Variants in KALRN observed in about 807,000 individuals in gnomAD.
The protein encoded by KALRN is kalirin RhoGEF kinase, also known as kalirin.
Under a neutral mutation model 353.7 loss-of-function variants are expected in KALRN, and 70 were observed. The observed-to-expected ratio is 0.20, with a 90% confidence interval of 0.16 to 0.24. The LOEUF (loss-of-function observed/expected upper bound fraction) is 0.24, where lower values mean the gene tolerates loss of function less well. Among genes scored for constraint, KALRN ranks in the 10% least tolerant of loss-of-function variants. The pLI is 1.00. For missense variants in KALRN, 2,791 were observed against 3,756.7 expected (o/e 0.74, Z 6.72); for synonymous variants, 1,391 against 1,434.8 (o/e 0.97, Z 0.69).
rs146726400 is a variant in KALRN at position 124,126,646 on chromosome 3, G to T, written c.73+92833G>T. On this transcript the variant is annotated intron_variant, in intron 1 of 59. Transcript: ENST00000682506. ...AATTTACACAGTCACAAGTTTGGAAGAATTTCTCATGATGTAATCAAGATG... is the reference window on the plus strand; with the variant it reads ...AATTTACACAGTCACAAGTTTGGAATAATTTCTCATGATGTAATCAAGATG... Among the ~76,000 whole-genome samples the T allele has an allele frequency of 3.3e-5, 5 of 152,332 alleles. No individual in the cohort carries two copies. The East Asian group carries it at 9.6e-4, about 29-fold the overall frequency.
intron 1 of KALRN, among the ~76,000 whole-genome samples, chr3:124,111,402 G>A (rs1487586293): frequency 6.6e-6 from 1 of 152,240 alleles, no homozygotes; most frequent in Non-Finnish European, 1.5e-5. Flanking sequence ...GTCACTGGAA[G>A]GGGATGCAAT....
At chr3:124,085,527 C>T (rs2060768014) in intron 1 of KALRN, among the ~76,000 whole-genome samples, 1 of 152,172 alleles carries the variant, frequency 6.6e-6, no homozygotes, top group Admixed American at 6.5e-5. Context: ...CTCCATCTGC[C>T]AGCCACTTGA....
intron 1 of KALRN, among the ~76,000 whole-genome samples, chr3:124,090,810 G>T (rs1308427200): frequency 6.6e-6 from 1 of 152,214 alleles, no homozygotes; most frequent in African/African-American, 2.4e-5. Flanking sequence ...GTGAGGCCTT[G>T]TTATCTGTAT....
chr3:124,353,145 T>A (rs1395955713), intron 10 of KALRN, among the ~76,000 whole-genome samples: 1 of 152,210 alleles, frequency 6.6e-6, no homozygotes, highest in African/African-American at 2.4e-5. Context: ...GCTATCTTGA[T>A]ACTTTGTTGA....
chr3:124,398,958 T>C, intron 13 of KALRN, 87 bp downstream of exon 13: 4 of 1,379,162 alleles, frequency 2.9e-6, no homozygotes, highest in Non-Finnish European at 2.0e-6. Flanking sequence ...GGCAGTAGCC[T>C]AAGGAAATTA....
chr3:124,058,722 C>T (rs2041765543), intron 1 of KALRN, among the ~76,000 whole-genome samples: 1 of 152,130 alleles, frequency 6.6e-6, no homozygotes. Flanking sequence ...AGTAAGCTTC[C>T]CTGTAGTATC....
At chr3:124,466,327 C>T (rs2060342544) in intron 25 of KALRN, among the ~76,000 whole-genome samples, 1 of 152,166 alleles carries the variant, frequency 6.6e-6, no homozygotes, top group African/African-American at 2.4e-5. Flanking sequence ...CTACACAAGA[C>T]TTAGACCTAT....
chr3:124,507,367 A>C (rs1320814538), intron 33 of KALRN, among the ~76,000 whole-genome samples: 1 of 152,228 alleles, frequency 6.6e-6, no homozygotes, highest in Non-Finnish European at 1.5e-5. Context: ...TTTAAATTTA[A>C]GACAATACTG....
At chr3:124,242,346 G>A (rs2080564568) in intron 3 of KALRN, among the ~76,000 whole-genome samples, 1 of 152,168 alleles carries the variant, frequency 6.6e-6, no homozygotes, top group Admixed American at 6.5e-5. Flanking sequence ...TTACATATCA[G>A]GAAACTGAGA....
chr3:124,162,021 G>C (rs2070042996), intron 1 of KALRN, among the ~76,000 whole-genome samples: 3 of 152,176 alleles, frequency 2.0e-5, no homozygotes, highest in Non-Finnish European at 4.4e-5. Flanking sequence ...AAATGAAGCA[G>C]AGAACAATGT....
intron 1 of KALRN, among the ~76,000 whole-genome samples, chr3:124,171,487 G>C (rs1335971705): frequency 6.6e-6 from 1 of 152,196 alleles, no homozygotes; most frequent in Non-Finnish European, 1.5e-5. Flanking sequence ...GAGAACGAGA[G>C]CGGAAGCTGC....
At chr3:124,428,270 G>A (rs1330788493) in intron 15 of KALRN, among the ~76,000 whole-genome samples, 1 of 152,162 alleles carries the variant, frequency 6.6e-6, no homozygotes, top group Admixed American at 6.5e-5. Flanking sequence ...AGCTCATACA[G>A]ATTCTGGAAT....
At chr3:124,268,624 T>G in intron 4 of KALRN, 119 bp from the exon 5 acceptor site, 2 of 1,082,886 alleles carry the variant, frequency 1.8e-6, no homozygotes, top group South Asian at 2.9e-5. Context: ...ACTCACCATT[T>G]CCGAGGCAGG....
intron 10 of KALRN, among the ~76,000 whole-genome samples, chr3:124,351,433 A>C (rs1476033401): frequency 1.3e-5 from 2 of 152,176 alleles, no homozygotes; most frequent in Non-Finnish European, 2.9e-5. Context: ...TGAGGCTGAT[A>C]ATGAGAAAGG....
intron 14 of KALRN, among the ~76,000 whole-genome samples, chr3:124,415,781 G>A (rs888026990): frequency 7.2e-5 from 11 of 152,204 alleles, no homozygotes; most frequent in African/African-American, 2.7e-4. Flanking sequence ...TTGCTACTCA[G>A]TGTGGGCCCT....
Position 124,725,219 on chromosome 3 carries a change from G to A in KALRN, c.*5749G>A, listed in dbSNP as rs975620491. 3 of 152,164 alleles carry A rather than the reference G, an allele frequency of 2.0e-5. No individual in the cohort carries two copies. The highest frequency in any genetic ancestry group is 7.2e-5 in the African/African-American group (3 of 41,434). The allele number at this position is 152,164 out of a possible 1,614,324, so 9.4% of individuals were successfully genotyped here. On this transcript the variant is annotated 3_prime_UTR_variant, in exon 60 of 60. Transcript: ENST00000682506. ...CAAAGACTGTGGCTACGAATCTGAA[G>A]TTAACAAGACATACATCTTCTCTTA...
rs925433993 is a variant in KALRN, at chr3:124,519,406, C to T, written c.4935+22993C>T. ...CAAACACAGAGTTTCATGGAAACCC[C>T]ACACCAAGGCAAGAGGCAGAGATGA... is the stretch of plus-strand genomic sequence containing the variant. On this transcript the variant is annotated intron_variant, in intron 33 of 59. Coordinates refer to ENST00000682506, the MANE Select transcript of KALRN (RefSeq NM_001388419.1). 3.0e-6 allele frequency: 3 copies of T among 985,240 alleles called. No individual in the cohort carries two copies. The Admixed American group carries it at 1.8e-4, about 61-fold the overall frequency. 61.0% of individuals were successfully genotyped at this position (985,240 alleles called of 1,614,324 possible). A position where few individuals can be genotyped will look rare whatever the true frequency, so the allele number is the denominator to read the frequency against.
chr3:124,708,927 C>T (rs969800949), intron 57 of KALRN, among the ~76,000 whole-genome samples: 1 of 151,930 alleles, frequency 6.6e-6, no homozygotes, highest in Non-Finnish European at 1.5e-5. Context: ...CGAATGACAG[C>T]AGATTTCTCA....
At chr3:124,672,784 A>G (rs1418644613) in intron 48 of KALRN, among the ~76,000 whole-genome samples, 1 of 152,158 alleles carries the variant, frequency 6.6e-6, no homozygotes, top group East Asian at 1.9e-4. Flanking sequence ...CCAGTTCTGC[A>G]ACTCACTTGC....
Sources: allele counts gnomAD v4.1 joint callset (sites outside exome capture counted in the v4.1 genomes callset), GRCh38; gene constraint gnomAD v4.1.1; transcripts MANE v1.5; gene names NCBI Gene and HGNC (gene_info 2026-07-23, HGNC 2026-07-21).